SGMS1: variants seen among roughly 807,000 people sequenced by gnomAD.
SGMS1 encodes the protein phosphatidylcholine:ceramide cholinephosphotransferase 1.
In SGMS1, 13 loss-of-function variants were observed where a neutral mutation model predicts 46.2. The ratio of observed to expected loss-of-function variants is 0.28; its 90% confidence interval spans 0.18 to 0.45. The LOEUF is 0.45. SGMS1 is among the 20% of genes least tolerant of loss of function. The pLI is 1.00. For missense variants in SGMS1, 324 were observed against 519.9 expected, an observed-to-expected ratio of 0.62 and a Z score of 3.66; for synonymous variants, 203 against 187.8, an observed-to-expected ratio of 1.08 and a Z score of -0.66.
At chr10:50,338,946 G>A (rs1185207028) in intron 7 of SGMS1, among the ~76,000 whole-genome samples, 1 of 151,930 alleles carries the variant, frequency 6.6e-6, no homozygotes, top group African/African-American at 2.4e-5. Context: ...TCCAAGTTGT[G>A]AGGCTGGTCT....
chr10:50,391,401 C>T (rs556171299), intron 6 of SGMS1, among the ~76,000 whole-genome samples: 1 of 152,112 alleles, frequency 6.6e-6, no homozygotes, highest in Admixed American at 6.5e-5. Context: ...CACATGCAGC[C>T]AATAAGCATA....
rs988747313 is a variant in SGMS1, at chr10:50,311,296, G to A, written c.861C>T (p.Val287=). Residue 287 remains valine, a synonymous_variant, in exon 9 of 11, where the codon GTC becomes GTT. Coordinates refer to ENST00000361781, the MANE Select transcript of SGMS1 (RefSeq NM_147156.4). ...TAAATAAGTAGGTAAGTGTTAGCAT[G>A]ACCGTGTGGCCGCTGTACAGATAGT... is the stretch of plus-strand genomic sequence containing the variant. ...CGDYLYSGHT[V]MLTLTYLFIK... The A allele has an allele frequency of 1.2e-6, 2 of 1,613,928 alleles. No homozygotes were observed. Among genetic ancestry groups the A allele is most frequent in the South Asian group, 1.1e-5 (1 of 91,046 alleles).
At chr10:50,564,159 T>G (rs1838267835) in intron 2 of SGMS1, among the ~76,000 whole-genome samples, 1 of 152,206 alleles carries the variant, frequency 6.6e-6, no homozygotes, top group South Asian at 2.1e-4. Flanking sequence ...CTGGCTTTCC[T>G]GAATCCACAG....
intron 2 of SGMS1, among the ~76,000 whole-genome samples, chr10:50,526,642 G>A (rs971213382): frequency 6.6e-6 from 1 of 152,174 alleles, no homozygotes; most frequent in Non-Finnish European, 1.5e-5. Flanking sequence ...CTTCATAAAT[G>A]TTAGCTATTA....
At chr10:50,512,346 GCTCT>G (rs1455301760) in intron 3 of SGMS1, among the ~76,000 whole-genome samples, 3 of 152,040 alleles carry the variant, frequency 2.0e-5, no homozygotes, top group Admixed American at 1.3e-4. Context: ...GAGAGAAAGG[GCTCT>G]CTCTCTGTCT....
chr10:50,406,979 G>A (rs1849024466), intron 6 of SGMS1, among the ~76,000 whole-genome samples: 1 of 152,122 alleles, frequency 6.6e-6, no homozygotes, highest in Non-Finnish European at 1.5e-5. Context: ...GCCTCCCAAA[G>A]CAGTGCTGGG....
chr10:50,522,537 C>A (rs992795573), intron 2 of SGMS1, among the ~76,000 whole-genome samples: 14 of 152,082 alleles, frequency 9.2e-5, no homozygotes, highest in African/African-American at 3.4e-4. Flanking sequence ...ATGCTTCTTT[C>A]CATTATAAGG....
At chr10:50,525,368 G>T (rs183191793) in intron 2 of SGMS1, among the ~76,000 whole-genome samples, 18 of 152,260 alleles carry the variant, frequency 1.2e-4, no homozygotes, top group Non-Finnish European at 2.2e-4. Context: ...GCATGAACAG[G>T]AATGCTGATG....
intron 2 of SGMS1, among the ~76,000 whole-genome samples, chr10:50,570,040 A>G (rs1838323802): frequency 6.6e-6 from 1 of 152,214 alleles, no homozygotes; most frequent in South Asian, 2.1e-4. Flanking sequence ...ACCATTTTAC[A>G]TTAACAAAGC....
At chr10:50,532,225 CTGTGTGTGTGTGTGTG>C (rs71029313) in intron 2 of SGMS1, among the ~76,000 whole-genome samples, 237 of 130,582 alleles carry the variant, frequency 1.8e-3, no homozygotes, top group African/African-American at 5.6e-3. Flanking sequence ...CTGAATGAGA[CTGTGTGTGTGTGTGTG>C]TGTGTGTGTG....
chr10:50,562,101 C>A (rs778577428), intron 2 of SGMS1, among the ~76,000 whole-genome samples: 1 of 152,146 alleles, frequency 6.6e-6, no homozygotes, highest in African/African-American at 2.4e-5. Context: ...ATGTCTCAGG[C>A]CTACGCTTTC....
intron 2 of SGMS1, among the ~76,000 whole-genome samples, chr10:50,547,780 G>C (rs1322853845): frequency 6.6e-6 from 1 of 152,114 alleles, no homozygotes; most frequent in South Asian, 2.1e-4. Flanking sequence ...GAACATTGAT[G>C]CAAAAATCCT....
At chr10:50,341,989 G>T (rs1847828015) in intron 7 of SGMS1, among the ~76,000 whole-genome samples, 1 of 152,072 alleles carries the variant, frequency 6.6e-6, no homozygotes, top group East Asian at 1.9e-4. Context: ...TATATTGTGG[G>T]GTAGTAAATT....
intron 3 of SGMS1, among the ~76,000 whole-genome samples, chr10:50,499,250 C>T (rs1837641057): frequency 6.6e-6 from 1 of 152,176 alleles, no homozygotes; most frequent in Non-Finnish European, 1.5e-5. Context: ...AGTACCTTCC[C>T]TAAGCCTTGG....
intron 6 of SGMS1, among the ~76,000 whole-genome samples, chr10:50,360,648 A>G (rs1848231473): frequency 6.6e-6 from 1 of 152,200 alleles, no homozygotes; most frequent in Non-Finnish European, 1.5e-5. Context: ...GCAGTACTCA[A>G]GAATGGAGGA....
chr10:50,479,641 C>T (rs1006066186), intron 3 of SGMS1, among the ~76,000 whole-genome samples: 6 of 152,084 alleles, frequency 3.9e-5, no homozygotes, highest in African/African-American at 1.4e-4. Flanking sequence ...AAAATAAAGA[C>T]ACACACAGGC....
chr10:50,558,914 T>C (rs1294307186), intron 2 of SGMS1, among the ~76,000 whole-genome samples: 1 of 152,134 alleles, frequency 6.6e-6, no homozygotes, highest in Non-Finnish European at 1.5e-5. Context: ...TTCCGTAAGG[T>C]TTCCGGTCAA....
intron 5 of SGMS1, among the ~76,000 whole-genome samples, chr10:50,454,474 T>C (rs1201991499): frequency 6.6e-6 from 1 of 151,962 alleles, no homozygotes; most frequent in African/African-American, 2.4e-5. Flanking sequence ...ACATTATATA[T>C]ATAAAGGGGA....
intron 4 of SGMS1, among the ~76,000 whole-genome samples, chr10:50,464,528 G>T (rs1588841607): frequency 6.6e-6 from 1 of 152,196 alleles, no homozygotes; most frequent in East Asian, 1.9e-4. Context: ...TGCCTCCAGG[G>T]TTCAAATGAT....
Sources: gnomAD v4.1 joint callset for allele counts (sites outside exome capture counted in the v4.1 genomes callset) on GRCh38, gnomAD v4.1.1 for gene constraint, MANE v1.5 for transcripts, NCBI Gene and HGNC (gene_info 2026-07-23, HGNC 2026-07-21) for gene names.